FILIP1L: variants seen among roughly 807,000 people sequenced by gnomAD.
FILIP1L encodes the protein filamin A interacting protein 1 like.
In FILIP1L, 55 loss-of-function variants were observed where a neutral mutation model predicts 96.6. The ratio of observed to expected loss-of-function variants is 0.57; its 90% CI spans 0.46 to 0.71. The LOEUF (loss-of-function observed/expected upper bound fraction) is 0.71. Among genes scored for constraint, FILIP1L ranks in the 30% least tolerant of loss-of-function variants. The probability of loss-of-function intolerance (pLI) is 0.00; values close to 1 mark genes in which losing one functional copy is unlikely to be tolerated. For missense variants in FILIP1L, 1,304 were observed against 1,321.2 expected (o/e 0.99, Z 0.20); for synonymous variants, 467 against 473.9 (o/e 0.99, Z 0.19).
chr3:100,103,150 G>C (rs902049716), intron 1 of FILIP1L, among the ~76,000 whole-genome samples: 5 of 152,192 alleles, frequency 3.3e-5, no homozygotes, highest in Non-Finnish European at 1.5e-5. Context: ...TTGTAGGCCA[G>C]GAGTCTTTAA....
intron 4 of FILIP1L, among the ~76,000 whole-genome samples, chr3:99,899,281 A>G (rs939945118): frequency 6.6e-6 from 1 of 152,236 alleles, no homozygotes; most frequent in Non-Finnish European, 1.5e-5. Context: ...TTTCAAAAGC[A>G]GATTTTTGGT....
chr3:100,099,972 A>C (rs1025068833), intron 1 of FILIP1L, among the ~76,000 whole-genome samples: 9 of 152,228 alleles, frequency 5.9e-5, no homozygotes, highest in African/African-American at 2.2e-4. Flanking sequence ...GACTAACCAC[A>C]ACTGGGAGGG....
At chr3:99,973,350 T>C (rs1021537328) in intron 1 of FILIP1L, among the ~76,000 whole-genome samples, 4 of 152,230 alleles carry the variant, frequency 2.6e-5, no homozygotes, top group African/African-American at 9.6e-5. Flanking sequence ...TTGCAAAAAC[T>C]GGTATGTTTT....
At chr3:99,984,133 A>G (rs1559714123) in intron 1 of FILIP1L, among the ~76,000 whole-genome samples, 1 of 151,992 alleles carries the variant, frequency 6.6e-6, no homozygotes, top group African/African-American at 2.4e-5. Context: ...ATTGATCCAT[A>G]GTTCTGGAAG....
At chr3:99,965,686 G>A (rs1708628425) in intron 1 of FILIP1L, among the ~76,000 whole-genome samples, 2 of 152,166 alleles carry the variant, frequency 1.3e-5, no homozygotes, top group Admixed American at 1.3e-4. Context: ...AAATATCTGA[G>A]CCCCCTGCTC....
At chr3:100,099,219 T>G (rs2066263010) in intron 1 of FILIP1L, among the ~76,000 whole-genome samples, 2 of 152,218 alleles carry the variant, frequency 1.3e-5, no homozygotes, top group South Asian at 4.1e-4. Context: ...GGTAATAGAC[T>G]GAATATTTAT....
At chr3:99,871,837 C>A (rs1335905393) in intron 4 of FILIP1L, among the ~76,000 whole-genome samples, 1 of 152,160 alleles carries the variant, frequency 6.6e-6, no homozygotes, top group East Asian at 1.9e-4. Flanking sequence ...GCCGGAGGAC[C>A]TTTAAATACA....
In FILIP1L at chr3:99,921,938, C is replaced by T. The variant is rs188348811; in HGVS notation, c.605+2292G>A. ...CTCTCTTGGTTTAAATAATCTTTGC[C>T]ATCTGCCTCCCAACATTCCAGTATA... is the stretch of plus-strand genomic sequence containing the variant. On this transcript the variant is annotated intron_variant, in intron 4 of 5. Transcript: ENST00000477258. Among the ~76,000 whole-genome samples the T allele has an allele frequency of 2.0e-5, 3 of 152,244 alleles. No individual in the cohort carries two copies. In the East Asian group the frequency reaches 5.8e-4, roughly 29 times the overall value.
Position 99,849,317 on chromosome 3 carries a change from C to T in FILIP1L, c.2359G>A (p.Gly787Arg). 6.2e-7 allele frequency: 1 copy of T among 1,614,158 alleles called. No individual in the cohort carries two copies. Among genetic ancestry groups the T allele is most frequent in the African/African-American group, 1.3e-5 (1 of 75,040 alleles). ...ACTTGAGGATCGGAAATTCTTCTTC[C>T]ATTGAGACTAGGCCTGAGGCTCTTA... ...FSKSLRPSLN[G>R]RRISDPQVFS... is the part of the protein sequence containing the mutation. The change falls in exon 5 of 6, where the codon GGA becomes AGA. Residue 787 changes from glycine (G) to arginine (R), a missense_variant. Physicochemically the swap from Gly to Arg is moderately radical, Grantham distance 125. Transcript: ENST00000477258.
intron 4 of FILIP1L, among the ~76,000 whole-genome samples, chr3:99,891,276 C>T (rs1706074463): frequency 6.6e-6 from 1 of 152,146 alleles, no homozygotes; most frequent in South Asian, 2.1e-4. Context: ...GGCATTCTGA[C>T]AGTTTAGCTC....
At chr3:100,073,275 C>T (rs1244729413) in intron 1 of FILIP1L, among the ~76,000 whole-genome samples, 1 of 152,132 alleles carries the variant, frequency 6.6e-6, no homozygotes, top group African/African-American at 2.4e-5. Context: ...TATTTTCATC[C>T]TACAACAGAA....
intron 1 of FILIP1L, among the ~76,000 whole-genome samples, chr3:99,999,917 A>G (rs556774713): frequency 1.3e-5 from 2 of 152,332 alleles, no homozygotes; most frequent in East Asian, 1.9e-4. Flanking sequence ...ATATTGGACT[A>G]TGGGCCTCTG....
rs139340018 is a variant in FILIP1L at position 99,985,131 on chromosome 3, G to C, written c.-10-54101C>G. On this transcript the variant is annotated intron_variant, in intron 1 of 5. Coordinates refer to ENST00000477258, the MANE Select transcript of FILIP1L (RefSeq NM_001387850.1). Reference sequence around the variant, plus strand: ...AGACTACTAGAAATAAAGTTCAAAAGTTAATTGGAGTAAAGAGAAGATTGA... The same window carrying C: ...AGACTACTAGAAATAAAGTTCAAAACTTAATTGGAGTAAAGAGAAGATTGA... Among the ~76,000 whole-genome samples the C allele has an allele frequency of 7.2e-3, 1,093 of 152,274 alleles. 4 individuals are homozygous for C. The highest frequency in any genetic ancestry group is 1.0e-2 in the African/African-American group (414 of 41,562).
At chr3:100,067,414 C>A (rs1019345982) in intron 1 of FILIP1L, among the ~76,000 whole-genome samples, 1 of 152,130 alleles carries the variant, frequency 6.6e-6, no homozygotes, top group African/African-American at 2.4e-5. Flanking sequence ...AAGGTGGAGG[C>A]TTTTGGAATG....
At chr3:100,026,723 T>C (rs778211555) in intron 1 of FILIP1L, among the ~76,000 whole-genome samples, 1 of 152,150 alleles carries the variant, frequency 6.6e-6, no homozygotes, top group African/African-American at 2.4e-5. Context: ...TTCTTACGGA[T>C]TTCTGTTGCA....
At chr3:99,894,750 A>G (rs1042120222) in intron 4 of FILIP1L, among the ~76,000 whole-genome samples, 2 of 151,990 alleles carry the variant, frequency 1.3e-5, no homozygotes, top group Admixed American at 1.3e-4. Context: ...AAAGCTGAAA[A>G]CTCCATTTAG....
intron 1 of FILIP1L, among the ~76,000 whole-genome samples, chr3:100,072,375 C>T (rs925739914): frequency 1.3e-5 from 2 of 152,220 alleles, no homozygotes; most frequent in Non-Finnish European, 2.9e-5. Context: ...TCTGAGAGCT[C>T]TCCTTGATTC....
chr3:99,966,073 G>A (rs1189672949), intron 1 of FILIP1L, among the ~76,000 whole-genome samples: 1 of 152,176 alleles, frequency 6.6e-6, no homozygotes, highest in Non-Finnish European at 1.5e-5. Flanking sequence ...CAGCACAACA[G>A]TGTTGTAACA....
intron 1 of FILIP1L, among the ~76,000 whole-genome samples, chr3:99,976,186 T>C (rs1708965843): frequency 1.3e-5 from 2 of 152,168 alleles, no homozygotes; most frequent in African/African-American, 4.8e-5. Context: ...GTGTCTCTTT[T>C]AATAGATATA....
Sources: allele counts gnomAD v4.1 joint callset (sites outside exome capture counted in the v4.1 genomes callset), GRCh38; gene constraint gnomAD v4.1.1; transcripts MANE v1.5; gene names NCBI Gene and HGNC (gene_info 2026-07-23, HGNC 2026-07-21).